LUZP2: variants seen among roughly 807,000 people sequenced by gnomAD.
LUZP2 encodes leucine zipper protein 2.
A neutral mutation model predicts 51.6 loss-of-function variants in LUZP2; 52 were observed. The observed-to-expected ratio is 1.01, with a 90% CI of 0.81 to 1.27. The LOEUF is 1.27. Ranked by LOEUF, LUZP2 falls within the 50% of genes most tolerant of loss-of-function variation. LUZP2 has a pLI of 0.00. For synonymous variants in LUZP2, 154 were observed against 137.3 expected (o/e 1.12, Z -0.85); for missense variants, 436 against 395.4 (o/e 1.10, Z -0.87).
At chr11:24,765,703 C>T (rs1860165185) in intron 5 of LUZP2, among the ~76,000 whole-genome samples, 1 of 150,352 alleles carries the variant, frequency 6.7e-6, no homozygotes, top group African/African-American at 2.5e-5. Context: ...TCTCGGCTCA[C>T]TGCAAGCTGC....
chr11:24,773,556 C>G (rs1848815416), intron 5 of LUZP2, among the ~76,000 whole-genome samples: 1 of 151,934 alleles, frequency 6.6e-6, no homozygotes, highest in Non-Finnish European at 1.5e-5. Flanking sequence ...GTGGGCTGTT[C>G]AAAAGAATGA....
intron 1 of LUZP2, among the ~76,000 whole-genome samples, chr11:24,607,829 A>ATAT (rs1853980827): frequency 6.9e-6 from 1 of 145,154 alleles, no homozygotes; most frequent in Non-Finnish European, 1.5e-5. Flanking sequence ...TCTCTATTTT[A>ATAT]TTTTTTTTTT....
intron 9 of LUZP2, among the ~76,000 whole-genome samples, chr11:24,987,773 C>A (rs548418023): frequency 1.3e-5 from 2 of 151,924 alleles, no homozygotes; most frequent in African/African-American, 4.8e-5. Context: ...TTTTTCTTTT[C>A]CTCTTTTCTG....
At chr11:24,919,675 T>TAA (rs1162289205) in intron 7 of LUZP2, among the ~76,000 whole-genome samples, 1 of 149,486 alleles carries the variant, frequency 6.7e-6, no homozygotes, top group East Asian at 2.0e-4. Flanking sequence ...CATATATATA[T>TAA]AATGATTTAA....
intron 5 of LUZP2, among the ~76,000 whole-genome samples, chr11:24,829,221 T>G (rs1850626229): frequency 6.6e-6 from 1 of 151,852 alleles, no homozygotes. Context: ...GTAAGACAGA[T>G]GAAGGAAAGA....
In LUZP2 at chr11:24,713,348, A is replaced by C. The variant is rs113768767; in HGVS notation, c.63-15821A>C. Among the ~76,000 whole-genome samples the C allele has an allele frequency of 3.8e-3, 580 of 152,292 alleles. 4 individuals carry two copies. Among genetic ancestry groups the C allele is most frequent in the African/African-American group, 0.013 (559 of 41,568 alleles). On this transcript the variant is annotated intron_variant, in intron 1 of 11. Coordinates refer to ENST00000336930, the MANE Select transcript of LUZP2 (RefSeq NM_001009909.4). ...TAATACCCTAGCGAAACCGAATCGA[A>C]GTCACTCTTATTCAGTCTCCTTGAT...
Position 24,700,927 on chromosome 11 carries a change from T to A in LUZP2, c.63-28242T>A, listed in dbSNP as rs78392724. On this transcript the variant is annotated intron_variant, in intron 1 of 11. Transcript: ENST00000336930. ...AATTTTCTTCATATCTTTAATTTCC[T>A]CAATGAGCTCTTCAACTTGGTGTGA... 2.6e-3 allele frequency among the ~76,000 whole-genome samples: 402 copies of A among 152,306 alleles called. 12 individuals are homozygous for A. In the East Asian group the frequency reaches 0.048, roughly 18 times the overall value.
At chr11:24,641,950 G>A (rs1357173876) in intron 1 of LUZP2, among the ~76,000 whole-genome samples, 4 of 151,892 alleles carry the variant, frequency 2.6e-5, no homozygotes, top group Non-Finnish European at 5.9e-5. Flanking sequence ...CTGGAGTGCA[G>A]TGGCACGATT....
intron 8 of LUZP2, among the ~76,000 whole-genome samples, chr11:24,978,038 T>C (rs957076407): frequency 6.6e-6 from 1 of 151,576 alleles, no homozygotes; most frequent in African/African-American, 2.4e-5. Flanking sequence ...TATTTTGCAA[T>C]AGTACACTGT....
At chr11:24,706,460 A>G (rs6484069) in intron 1 of LUZP2, among the ~76,000 whole-genome samples, 109,763 of 151,890 alleles carry the variant, frequency 0.72, 40,107 homozygotes, top group East Asian at 0.97. Context: ...ATTCCATCTC[A>G]GCTAATAATG....
rs746502146 is a variant in LUZP2, at chr11:25,078,575, T to C, written c.958T>C (p.Ser320Pro). The part of the protein sequence containing the change: ...IPQKLQMPPC[S>P]ECEVKKAPEK... ...ACAGAAATTGCAAATGCCTCCTTGC[T>C]CTGAATGTGAGGTGAAAAAAGCCCC... Residue 320 changes from serine (S) to proline (P), a missense_variant, in exon 12 of 12, where the codon TCT becomes CCT. Physicochemically the swap from Ser to Pro is moderately conservative, Grantham distance 74 (BLOSUM62 -1). Transcript: ENST00000336930. The C allele has an allele frequency of 6.2e-7, 1 of 1,612,640 alleles. No homozygotes were observed. Among genetic ancestry groups the C allele is most frequent in the East Asian group, 2.2e-5 (1 of 44,800 alleles).
chr11:24,996,171 A>T (rs982528139), intron 9 of LUZP2, among the ~76,000 whole-genome samples: 2 of 151,572 alleles, frequency 1.3e-5, no homozygotes, highest in African/African-American at 4.8e-5. Flanking sequence ...TCTCCTGATT[A>T]TCAATCATAT....
intron 1 of LUZP2, among the ~76,000 whole-genome samples, chr11:24,536,422 C>T (rs1328107799): frequency 3.2e-4 from 49 of 151,818 alleles, no homozygotes; most frequent in Non-Finnish European, 1.5e-5. Flanking sequence ...AATGGTCTTG[C>T]TTAGATCTTC....
intron 5 of LUZP2, among the ~76,000 whole-genome samples, chr11:24,766,720 T>TG (rs1860204202): frequency 2.0e-5 from 3 of 151,750 alleles, no homozygotes; most frequent in Non-Finnish European, 4.4e-5. Flanking sequence ...ATCAAATGAT[T>TG]ATGTTTGAGA....
intron 5 of LUZP2, among the ~76,000 whole-genome samples, chr11:24,785,539 T>TCATTATGA (rs769211553): frequency 6.6e-5 from 10 of 151,902 alleles, no homozygotes; most frequent in Non-Finnish European, 1.2e-4. Context: ...ATTTATATTG[T>TCATTATGA]CATTATGAAT....
intron 9 of LUZP2, among the ~76,000 whole-genome samples, chr11:25,021,425 TTGTGTG>T (rs3992972): frequency 1.3e-5 from 2 of 149,736 alleles, no homozygotes; most frequent in African/African-American, 2.4e-5. Flanking sequence ...TGCACACAGG[TTGTGTG>T]TGTGTGTGTG....
At chr11:24,536,540 CT>C (rs1445601390) in intron 1 of LUZP2, among the ~76,000 whole-genome samples, 1 of 151,848 alleles carries the variant, frequency 6.6e-6, no homozygotes, top group East Asian at 1.9e-4. Flanking sequence ...ACTCTGCTAG[CT>C]TTCCTCTGAA....
rs1046152991 is a variant in LUZP2, at chr11:24,937,911, A to G, written c.522+23373A>G. ...GCAAGATTCCCTCTCAAAAAAAAAA[A>G]AAAGAAAGAAAGAAAAAAAAATACG... On this transcript the variant is annotated intron_variant, in intron 7 of 11. Transcript: ENST00000336930. 5.3e-5 allele frequency among the ~76,000 whole-genome samples: 8 copies of G among 151,916 alleles called. No individual in the cohort carries two copies. The South Asian group carries it at 6.2e-4, about 12-fold the overall frequency.
At chr11:24,605,035 G>A (rs528907558) in intron 1 of LUZP2, among the ~76,000 whole-genome samples, 57 of 151,810 alleles carry the variant, frequency 3.8e-4, no homozygotes, top group African/African-American at 1.3e-3. Flanking sequence ...CATCATATGT[G>A]TAATAATAAT....
Sources: allele counts gnomAD v4.1 joint callset (sites outside exome capture counted in the v4.1 genomes callset), GRCh38; gene constraint gnomAD v4.1.1; transcripts MANE v1.5; gene names NCBI Gene and HGNC (gene_info 2026-07-23, HGNC 2026-07-21).